The following CDH12 variants were observed in gnomAD, a reference collection of about 807,000 sequenced individuals.
The protein encoded by CDH12 is cadherin 12, also known as cadherin-12.
In CDH12, 41 loss-of-function variants were observed where a neutral mutation model predicts 74.1. The observed-to-expected ratio is 0.55, with a 90% CI of 0.43 to 0.72. CDH12 has a LOEUF of 0.72. CDH12 is among the 30% of genes least tolerant of loss of function. CDH12 has a pLI of 0.00. For synonymous variants in CDH12, 399 were observed against 355.0 expected (o/e 1.12, Z -1.39); for missense variants, 945 against 977.2 (o/e 0.97, Z 0.44).
intron 2 of CDH12, among the ~76,000 whole-genome samples, chr5:22,458,775 G>A (rs565941926): frequency 4.9e-4 from 75 of 152,262 alleles, no homozygotes; most frequent in Non-Finnish European, 5.9e-4. Context: ...TATTAAATGT[G>A]AGACTCAAAA....
intron 3 of CDH12, among the ~76,000 whole-genome samples, chr5:22,398,631 CTT>C (rs1435580237): frequency 6.6e-6 from 1 of 152,122 alleles, no homozygotes; most frequent in Non-Finnish European, 1.5e-5. Flanking sequence ...ACTACCTCCT[CTT>C]TGGGTTCTAA....
intron 1 of CDH12, among the ~76,000 whole-genome samples, chr5:22,707,337 T>C (rs1294582572): frequency 1.3e-5 from 2 of 152,230 alleles, no homozygotes; most frequent in Non-Finnish European, 2.9e-5. Context: ...TGATAACTAA[T>C]AGGAAGGAAA....
In CDH12 at chr5:22,702,724, T is replaced by C. The variant is rs920088462; in HGVS notation, c.-523+150334A>G. Among the ~76,000 whole-genome samples the C allele has an allele frequency of 2.0e-5, 3 of 151,870 alleles. No individual in the cohort carries two copies. The South Asian group carries it at 6.2e-4, about 31-fold the overall frequency. ...CATCAGAATACAAGCTTGATAACAATAATAAAAAAAACCCTTCACTTTCCT... is the reference window on the plus strand; with the variant it reads ...CATCAGAATACAAGCTTGATAACAACAATAAAAAAAACCCTTCACTTTCCT... On this transcript the variant is annotated intron_variant, in intron 1 of 14. Coordinates refer to ENST00000382254, the MANE Select transcript of CDH12 (RefSeq NM_004061.5).
At chr5:21,769,552 T>C (rs958667166) in intron 11 of CDH12, among the ~76,000 whole-genome samples, 2 of 152,132 alleles carry the variant, frequency 1.3e-5, no homozygotes, top group Non-Finnish European at 2.9e-5. Flanking sequence ...AAATGTCAGC[T>C]TAATTGTCAG....
intron 5 of CDH12, among the ~76,000 whole-genome samples, chr5:22,060,233 C>T (rs1741093693): frequency 6.6e-6 from 1 of 151,910 alleles, no homozygotes; most frequent in African/African-American, 2.4e-5. Context: ...AAAGCAAATA[C>T]CACATGTTCT....
At chr5:22,836,892 C>G (rs1480626211) in intron 1 of CDH12, among the ~76,000 whole-genome samples, 1 of 152,136 alleles carries the variant, frequency 6.6e-6, no homozygotes, top group Non-Finnish European at 1.5e-5. Context: ...AATTTCTTAT[C>G]TGAACTTCTT....
chr5:22,211,602 A>G (rs1235064852), intron 4 of CDH12, among the ~76,000 whole-genome samples: 1 of 151,960 alleles, frequency 6.6e-6, no homozygotes, highest in Non-Finnish European at 1.5e-5. Flanking sequence ...GTTGCTTACA[A>G]TACCTTTCTA....
At chr5:21,884,169 A>G (rs920912537) in intron 6 of CDH12, 9 of 1,583,778 alleles carry the variant, frequency 5.7e-6, no homozygotes, top group Non-Finnish European at 7.8e-6. Flanking sequence ...GCTTGTGAGA[A>G]CTGCTTTATT....
intron 1 of CDH12, among the ~76,000 whole-genome samples, chr5:22,685,868 A>G (rs2126935762): frequency 6.6e-6 from 1 of 152,270 alleles, no homozygotes; most frequent in East Asian, 1.9e-4. Context: ...TGTGTGTACA[A>G]GTTCGTATGG....
At chr5:21,826,719 A>G (rs1190797184) in intron 8 of CDH12, among the ~76,000 whole-genome samples, 1 of 152,190 alleles carries the variant, frequency 6.6e-6, no homozygotes, top group African/African-American at 2.4e-5. Context: ...TTAAATAGAA[A>G]TTATTCTTTA....
At chr5:21,765,204 T>A in intron 11 of CDH12, 105 bp from the exon 12 acceptor site, 2 of 920,104 alleles carry the variant, frequency 2.2e-6, no homozygotes, top group East Asian at 3.1e-5. Context: ...TTATATAGAA[T>A]GAAAAAAAAT....
chr5:22,832,557 C>T (rs1266046707), intron 1 of CDH12, among the ~76,000 whole-genome samples: 2 of 151,920 alleles, frequency 1.3e-5, no homozygotes, highest in African/African-American at 2.4e-5. Context: ...ATCAACGTGT[C>T]AATGAGAGAC....
At position 22,605,944 on chromosome 5, in the gene CDH12, C is replaced by A. The variant is rs191416018; in HGVS notation, c.-522-100580G>T. ...CCAGTAGGCTGACCTGCAAGAGCAG[C>A]ATCTCTGTTGGGGTGGCCATGGGCA... On this transcript the variant is annotated intron_variant, in intron 1 of 14. Coordinates refer to ENST00000382254, the MANE Select transcript of CDH12 (RefSeq NM_004061.5). Among the ~76,000 whole-genome samples the A allele has an allele frequency of 9.7e-4, 147 of 152,298 alleles. 1 individual carries two copies. Among genetic ancestry groups the A allele is most frequent in the Non-Finnish European group, 1.9e-3 (131 of 68,034 alleles).
chr5:22,000,958 T>C (rs531758685), intron 5 of CDH12, among the ~76,000 whole-genome samples: 3 of 152,310 alleles, frequency 2.0e-5, no homozygotes, highest in South Asian at 2.1e-4. Context: ...GAAAATTTCA[T>C]TGATGCAGTT....
intron 1 of CDH12, among the ~76,000 whole-genome samples, chr5:22,612,681 A>C (rs1276561145): frequency 6.6e-6 from 1 of 152,072 alleles, no homozygotes; most frequent in Non-Finnish European, 1.5e-5. Context: ...CAGTTAACTC[A>C]GTATTTTTGA....
chr5:21,811,443 A>G (rs949459343), intron 9 of CDH12, among the ~76,000 whole-genome samples: 1 of 152,018 alleles, frequency 6.6e-6, no homozygotes, highest in African/African-American at 2.4e-5. Flanking sequence ...AAAACTTTTA[A>G]TTCGTGTAAC....
chr5:22,522,242 C>T (rs1232383265), intron 1 of CDH12, among the ~76,000 whole-genome samples: 2 of 152,138 alleles, frequency 1.3e-5, no homozygotes, highest in African/African-American at 4.8e-5. Context: ...GAAATAACCA[C>T]ACAAGAGTAG....
intron 1 of CDH12, among the ~76,000 whole-genome samples, chr5:22,567,314 C>A (rs1439755160): frequency 2.0e-5 from 3 of 152,028 alleles, no homozygotes; most frequent in African/African-American, 2.4e-5. Context: ...ACCTGGAAAC[C>A]CAATTTGAAA....
chr5:22,298,258 A>G (rs536821314), intron 3 of CDH12, among the ~76,000 whole-genome samples: 27 of 151,260 alleles, frequency 1.8e-4, no homozygotes, highest in African/African-American at 6.3e-4. Flanking sequence ...GTATGTGTGT[A>G]TATATATATA....
Sources: allele counts gnomAD v4.1 joint callset (sites outside exome capture counted in the v4.1 genomes callset), GRCh38; gene constraint gnomAD v4.1.1; transcripts MANE v1.5; gene names NCBI Gene and HGNC (gene_info 2026-07-23, HGNC 2026-07-21).